JAKMIP3: variants seen among roughly 807,000 people sequenced by gnomAD.
JAKMIP3 encodes Janus kinase and microtubule interacting protein 3.
In JAKMIP3, 58 loss-of-function variants were observed where a neutral mutation model predicts 118.5. That is an observed-to-expected ratio of 0.49 (90% CI 0.40 to 0.61). The LOEUF (loss-of-function observed/expected upper bound fraction) is 0.61, where lower values mean the gene tolerates loss of function less well. Among genes scored for constraint, JAKMIP3 ranks in the 20% least tolerant of loss-of-function variants. The probability of loss-of-function intolerance (pLI) is 0.00; values close to 1 mark genes in which losing one functional copy is unlikely to be tolerated. For missense variants in JAKMIP3, 950 were observed against 1,109.0 expected (o/e 0.86, Z 2.04); for synonymous variants, 486 against 451.2 (o/e 1.08, Z -0.98).
intron 3 of JAKMIP3, among the ~76,000 whole-genome samples, chr10:132,131,180 T>G (rs2050493836): frequency 2.8e-5 from 3 of 105,328 alleles, no homozygotes; most frequent in Non-Finnish European, 3.9e-5. Flanking sequence ...GCTCATGGGG[T>G]GAGGGAGTAT....
intron 23 of JAKMIP3, among the ~76,000 whole-genome samples, chr10:132,172,977 T>C (rs114393465): frequency 6.7e-4 from 35 of 51,910 alleles, no homozygotes; most frequent in Non-Finnish European, 8.4e-4. Context: ...CTCTCTCTCC[T>C]TCCCTCTCTC....
chr10:132,114,733 A>G lies in JAKMIP3; in HGVS notation c.136-2344A>G, dbSNP rs112798697. 4.7e-3 allele frequency among the ~76,000 whole-genome samples: 722 copies of G among 152,350 alleles called. 9 individuals carry two copies. Among genetic ancestry groups the G allele is most frequent in the African/African-American group, 0.017 (691 of 41,586 alleles). ...ATATTGAGTCTTTGGGTTCATGAGT[A>G]TGATATATTCTTCCATTTATTTAAA... On this transcript the variant is annotated intron_variant, in intron 2 of 23. Coordinates refer to ENST00000684848, the MANE Select transcript of JAKMIP3 (RefSeq NM_001323087.2).
intron 3 of JAKMIP3, among the ~76,000 whole-genome samples, chr10:132,126,721 C>A (rs144760174): frequency 1.3e-5 from 2 of 151,250 alleles, no homozygotes; most frequent in East Asian, 3.9e-4. Flanking sequence ...CTGTCAAATG[C>A]TTTTTATGCA....
chr10:132,076,881 C>T (rs946902101), intron 1 of JAKMIP3, among the ~76,000 whole-genome samples: 4 of 149,594 alleles, frequency 2.7e-5, no homozygotes, highest in Admixed American at 6.6e-5. Context: ...GCGGTGTCCC[C>T]GGGTCTGACT....
intron 1 of JAKMIP3, among the ~76,000 whole-genome samples, chr10:132,072,805 C>T (rs1349893856): frequency 6.6e-6 from 1 of 151,000 alleles, no homozygotes; most frequent in Non-Finnish European, 1.5e-5. Flanking sequence ...AGATTTCTTA[C>T]ATATGTATAT....
intron 16 of JAKMIP3, 118 bp downstream of exon 16, chr10:132,150,159 G>A: frequency 1.4e-6 from 1 of 735,134 alleles, no homozygotes; most frequent in South Asian, 1.7e-5. Context: ...CACCCTGCCT[G>A]AGACCCTCCA....
At chr10:132,078,190 A>T (rs10870238) in intron 1 of JAKMIP3, among the ~76,000 whole-genome samples, 53,278 of 124,752 alleles carry the variant, frequency 0.43, 10,452 homozygotes, top group East Asian at 0.75. Flanking sequence ...TCTAGTGAGA[A>T]CTTATTGGTT....
chr10:132,171,595 A>G (rs1172130920), intron 23 of JAKMIP3, among the ~76,000 whole-genome samples: 1 of 151,612 alleles, frequency 6.6e-6, no homozygotes, highest in Non-Finnish European at 1.5e-5. Flanking sequence ...TTGTGTAGAG[A>G]GTCCTGTGTA....
chr10:132,044,265 C>T lies in JAKMIP3; in HGVS notation c.-138+7527C>T, dbSNP rs900051770. Reference sequence around the variant, plus strand: ...TCCTAGACACGTCTCCTGGTCCAGGCATCGTGGACCTCCCTGGGGTGAGTA... The same window carrying T: ...TCCTAGACACGTCTCCTGGTCCAGGTATCGTGGACCTCCCTGGGGTGAGTA... On this transcript the variant is annotated intron_variant, in intron 1 of 23. Transcript: ENST00000657785. This position sits in a 1 kb window ranked among gnomAD's most constrained non-coding sequence, Gnocchi z 5.3. 5.3e-5 allele frequency among the ~76,000 whole-genome samples: 8 copies of T among 152,220 alleles called. No homozygotes were observed. The highest frequency in any genetic ancestry group is 2.0e-4 in the Admixed American group (3 of 15,292).
At chr10:132,147,200 G>A (rs973825421) in intron 13 of JAKMIP3, among the ~76,000 whole-genome samples, 5 of 152,270 alleles carry the variant, frequency 3.3e-5, no homozygotes, top group Non-Finnish European at 4.4e-5. Flanking sequence ...CCACTGAGCC[G>A]GCTCACTCCA....
chr10:132,126,849 A>G (rs2049649619), intron 3 of JAKMIP3, among the ~76,000 whole-genome samples: 1 of 152,152 alleles, frequency 6.6e-6, no homozygotes, highest in Non-Finnish European at 1.5e-5. Context: ...GGGCCATGAT[A>G]TATTGTCTAT....
intron 1 of JAKMIP3, among the ~76,000 whole-genome samples, chr10:132,078,790 G>A (rs2041282376): frequency 6.7e-6 from 1 of 149,984 alleles, no homozygotes; most frequent in Non-Finnish European, 1.5e-5. Context: ...CCCGTTTGAA[G>A]CTGCTCCCTT....
chr10:132,161,864 T>TG (rs1190782385), intron 19 of JAKMIP3, among the ~76,000 whole-genome samples: 1 of 83,190 alleles, frequency 1.2e-5, no homozygotes, highest in Non-Finnish European at 2.4e-5. Flanking sequence ...TGGGTGATGC[T>TG]GGGGGGGCCT....
At chr10:132,181,692 A>G (rs892270135) in intron 23 of JAKMIP3, 10 of 152,350 alleles carry the variant, frequency 6.6e-5, no homozygotes, top group African/African-American at 2.2e-4. Flanking sequence ...GTTTGAGGTA[A>G]TATCTTCTTA....
At chr10:132,150,471 G>A (rs2055888457) in intron 16 of JAKMIP3, among the ~76,000 whole-genome samples, 1 of 152,178 alleles carries the variant, frequency 6.6e-6, no homozygotes. Context: ...TTGAAAGAAT[G>A]TTAATTACTG....
intron 6 of JAKMIP3, 43 bp downstream of exon 6, chr10:132,136,119 G>A: frequency 6.2e-7 from 1 of 1,600,308 alleles, no homozygotes; most frequent in Non-Finnish European, 8.5e-7. Context: ...TCGCACCCGA[G>A]CTCCAGGCAG....
At chr10:132,162,182 G>C (rs1355907429) in intron 19 of JAKMIP3, among the ~76,000 whole-genome samples, 1 of 152,224 alleles carries the variant, frequency 6.6e-6, no homozygotes, top group African/African-American at 2.4e-5. Flanking sequence ...TGGGGCAGTG[G>C]TGGCTCTTTA....
At chr10:132,054,712 CAGTG>C (rs1239642325) in intron 1 of JAKMIP3, among the ~76,000 whole-genome samples, 1 of 152,222 alleles carries the variant, frequency 6.6e-6, no homozygotes, top group Non-Finnish European at 1.5e-5. Context: ...AAGGTGTGGT[CAGTG>C]AGCTGAAGTC....
At chr10:132,163,500 C>A in intron 20 of JAKMIP3, 88 bp downstream of exon 20, 4 of 1,174,318 alleles carry the variant, frequency 3.4e-6, no homozygotes, top group Non-Finnish European at 4.8e-6. Flanking sequence ...GCCACACCTC[C>A]AACCACTACC....
Sources: allele counts gnomAD v4.1 joint callset (sites outside exome capture counted in the v4.1 genomes callset), GRCh38; gene constraint gnomAD v4.1.1; non-coding constraint Gnocchi (gnomAD v3.1); transcripts MANE v1.5; gene names NCBI Gene and HGNC (gene_info 2026-07-23, HGNC 2026-07-21).